The following LTBP1 variants were observed in gnomAD, a reference collection of about 807,000 sequenced individuals.
LTBP1 encodes the protein latent-transforming growth factor beta-binding protein 1.
In LTBP1, 129 loss-of-function variants were observed where a neutral mutation model predicts 207.6. The observed-to-expected ratio is 0.62, with a 90% CI of 0.54 to 0.72. LTBP1 has a LOEUF of 0.72. Ranked by LOEUF, LTBP1 falls within the 30% of genes least tolerant of loss-of-function variation. LTBP1 has a pLI of 0.00. For synonymous variants in LTBP1, 963 were observed against 833.7 expected (o/e 1.16, Z -2.67); for missense variants, 2,281 against 2,217.2 (o/e 1.03, Z -0.58).
At chr2:33,283,993 T>A (rs1171784764) in intron 19 of LTBP1, among the ~76,000 whole-genome samples, 1 of 152,236 alleles carries the variant, frequency 6.6e-6, no homozygotes, top group Non-Finnish European at 1.5e-5. Flanking sequence ...TGGTCTATCT[T>A]CACGTTGATT....
intron 20 of LTBP1, among the ~76,000 whole-genome samples, chr2:33,299,690 G>A (rs2093947169): frequency 6.6e-6 from 1 of 152,132 alleles, no homozygotes; most frequent in Non-Finnish European, 1.5e-5. Context: ...CCAATATAAT[G>A]GCCAAACAAA....
At chr2:33,196,151 G>T (rs2088536677) in intron 7 of LTBP1, among the ~76,000 whole-genome samples, 1 of 152,104 alleles carries the variant, frequency 6.6e-6, no homozygotes, top group Admixed American at 6.5e-5. Flanking sequence ...TATTGCAGTG[G>T]TCAGGAACTG....
chr2:33,282,441 T>C (rs560295843), intron 19 of LTBP1, among the ~76,000 whole-genome samples: 1 of 152,208 alleles, frequency 6.6e-6, no homozygotes, highest in South Asian at 2.1e-4. Flanking sequence ...GAAATAGATT[T>C]TCCATCTTAA....
At chr2:33,065,753 T>C (rs929491880) in intron 3 of LTBP1, among the ~76,000 whole-genome samples, 2 of 152,226 alleles carry the variant, frequency 1.3e-5, no homozygotes, top group African/African-American at 4.8e-5. Context: ...CCTGTATACT[T>C]TGAAGAGTTT....
intron 3 of LTBP1, among the ~76,000 whole-genome samples, chr2:33,083,642 G>C (rs2078573955): frequency 6.6e-6 from 1 of 152,182 alleles, no homozygotes; most frequent in Admixed American, 6.6e-5. Context: ...GGTTAGTACA[G>C]CTCGTGCCCT....
intron 5 of LTBP1, among the ~76,000 whole-genome samples, chr2:33,186,009 T>C (rs1020849701): frequency 6.6e-6 from 1 of 152,232 alleles, no homozygotes; most frequent in Non-Finnish European, 1.5e-5. Flanking sequence ...GCCAGAGTTA[T>C]AACTCCTCTT....
chr2:33,072,805 A>G (rs1185549711), intron 3 of LTBP1, among the ~76,000 whole-genome samples: 2 of 152,200 alleles, frequency 1.3e-5, no homozygotes, highest in South Asian at 4.1e-4. Flanking sequence ...AGAGGGAAAA[A>G]GTTATGGAAA....
chr2:33,152,741 C>G (rs577594135), intron 5 of LTBP1, among the ~76,000 whole-genome samples: 2 of 152,150 alleles, frequency 1.3e-5, no homozygotes, highest in African/African-American at 4.8e-5. Context: ...TGTATATCTT[C>G]TTTGGAGAAA....
At chr2:32,973,909 T>C in intron 2 of LTBP1, among the ~76,000 whole-genome samples, 1 of 152,198 alleles carries the variant, frequency 6.6e-6, no homozygotes, top group East Asian at 1.9e-4. Context: ...GTTCCATCCT[T>C]GTAGTTGCAA....
chr2:33,222,732 C>T (rs1355113865), intron 9 of LTBP1, among the ~76,000 whole-genome samples: 1 of 152,142 alleles, frequency 6.6e-6, no homozygotes, highest in East Asian at 1.9e-4. Context: ...TTGTCTGGTA[C>T]AGTGTCTACT....
intron 33 of LTBP1, among the ~76,000 whole-genome samples, chr2:33,397,698 A>AT (rs2095372373): frequency 3.6e-5 from 3 of 82,752 alleles, no homozygotes; most frequent in East Asian, 3.4e-4. Flanking sequence ...TTTTTTTTGT[A>AT]TTTTTAGTAG....
At chr2:32,962,289 G>A (rs971557669) in intron 2 of LTBP1, among the ~76,000 whole-genome samples, 9 of 152,148 alleles carry the variant, frequency 5.9e-5, no homozygotes, top group Admixed American at 2.0e-4. Context: ...AGTAGGGTTC[G>A]TGCAAAGACA....
chr2:33,176,985 C>A (rs1350600925), intron 5 of LTBP1, among the ~76,000 whole-genome samples: 1 of 152,146 alleles, frequency 6.6e-6, no homozygotes, highest in African/African-American at 2.4e-5. Flanking sequence ...TCAGGTCACA[C>A]AACAGCCATA....
rs367664654 is a variant in LTBP1 at position 33,389,701 on chromosome 2, A to G, written c.4834+395A>G. 4.1e-4 allele frequency among the ~76,000 whole-genome samples: 63 copies of G among 152,266 alleles called. No individual in the cohort carries two copies. In the East Asian group the frequency reaches 8.5e-3, roughly 21 times the overall value. ...GTCACCCAGGCTGGAGTGCAGTGGC[A>G]CGATCTCAGCTCACTGCAACCTCCA... On this transcript the variant is annotated intron_variant, in intron 32 of 33. Transcript: ENST00000404816.
chr2:32,999,372 A>G (rs1223100288), intron 2 of LTBP1, among the ~76,000 whole-genome samples: 3 of 152,204 alleles, frequency 2.0e-5, no homozygotes, highest in African/African-American at 7.2e-5. Context: ...TTAAGACAGA[A>G]TCTGTGAGGT....
At chr2:33,345,464 T>C (rs1222009210) in intron 25 of LTBP1, among the ~76,000 whole-genome samples, 1 of 152,268 alleles carries the variant, frequency 6.6e-6, no homozygotes, top group African/African-American at 2.4e-5. Context: ...ATTAGCCATG[T>C]CAATAATACA....
At chr2:33,155,141 C>G (rs2083862717) in intron 5 of LTBP1, among the ~76,000 whole-genome samples, 1 of 152,140 alleles carries the variant, frequency 6.6e-6, no homozygotes, top group Non-Finnish European at 1.5e-5. Flanking sequence ...CATACCCTTT[C>G]TAATACAGAT....
chr2:33,209,177 T>C (rs1483937228), intron 7 of LTBP1, among the ~76,000 whole-genome samples: 1 of 152,100 alleles, frequency 6.6e-6, no homozygotes, highest in Admixed American at 6.6e-5. Flanking sequence ...CTGGCCAGTC[T>C]TTCTACTATT....
At chr2:33,180,898 C>T (rs796487979) in intron 5 of LTBP1, among the ~76,000 whole-genome samples, 1 of 152,302 alleles carries the variant, frequency 6.6e-6, no homozygotes, top group Non-Finnish European at 1.5e-5. Context: ...CCATCACCAA[C>T]CAGCCCTGCA....
Sources: allele counts gnomAD v4.1 joint callset (sites outside exome capture counted in the v4.1 genomes callset), GRCh38; gene constraint gnomAD v4.1.1; transcripts MANE v1.5; gene names NCBI Gene and HGNC (gene_info 2026-07-23, HGNC 2026-07-21).